The following FILIP1L variants were observed in gnomAD, a reference collection of about 807,000 sequenced individuals.
FILIP1L encodes the protein filamin A interacting protein 1 like, also known as filamin A-interacting protein 1-like.
A neutral mutation model predicts 96.6 loss-of-function variants in FILIP1L; 55 were observed. That is an observed-to-expected ratio of 0.57 (90% CI 0.46 to 0.71). FILIP1L has a LOEUF of 0.71. Among genes scored for constraint, FILIP1L ranks in the 30% least tolerant of loss-of-function variants. The pLI is 0.00. For missense variants in FILIP1L, 1,304 were observed against 1,321.2 expected (o/e 0.99, Z 0.20); for synonymous variants, 467 against 473.9 (o/e 0.99, Z 0.19).
At chr3:100,062,407 G>T (rs148431761) in intron 1 of FILIP1L, among the ~76,000 whole-genome samples, 7 of 151,860 alleles carry the variant, frequency 4.6e-5, no homozygotes, top group Admixed American at 2.0e-4. Context: ...CACCGCGCCC[G>T]GTCTATCCTG....
At chr3:100,061,020 A>G (rs745332901) in intron 1 of FILIP1L, among the ~76,000 whole-genome samples, 3 of 152,178 alleles carry the variant, frequency 2.0e-5, no homozygotes, top group Admixed American at 1.3e-4. Flanking sequence ...CACACACAAG[A>G]AACCACACCC....
intron 1 of FILIP1L, among the ~76,000 whole-genome samples, chr3:100,087,588 T>C (rs2066032605): frequency 6.6e-6 from 1 of 152,160 alleles, no homozygotes; most frequent in Admixed American, 6.5e-5. Context: ...TGTTTTCTTA[T>C]TATTGAGTTT....
intron 4 of FILIP1L, among the ~76,000 whole-genome samples, chr3:99,852,514 C>T (rs1430604679): frequency 2.0e-5 from 3 of 152,026 alleles, no homozygotes; most frequent in Non-Finnish European, 2.9e-5. Context: ...GGGGCGATCT[C>T]GACTCACTGC....
At position 100,102,306 on chromosome 3, in the gene FILIP1L, C is replaced by T. The variant is rs539394380; in HGVS notation, c.-11+11747G>A. ...TGTTGTTTCCTGACTTTTTAATGAT[C>T]GCCATTCTAACTGGTATGAGATGGT... is the stretch of plus-strand genomic sequence containing the variant. On this transcript the variant is annotated intron_variant, in intron 1 of 5. Transcript: ENST00000477258. Among the ~76,000 whole-genome samples, 224 of 152,118 alleles carry T rather than the reference C, an allele frequency of 1.5e-3. 2 individuals carry two copies. The highest frequency in any genetic ancestry group is 5.0e-3 in the African/African-American group (207 of 41,498).
At chr3:100,084,419 T>C (rs1005724254) in intron 1 of FILIP1L, among the ~76,000 whole-genome samples, 4 of 152,182 alleles carry the variant, frequency 2.6e-5, no homozygotes, top group African/African-American at 9.7e-5. Flanking sequence ...TGCTTGCAAA[T>C]TCACATTTTG....
chr3:100,109,284 T>C (rs767950722), intron 1 of FILIP1L, among the ~76,000 whole-genome samples: 17 of 152,090 alleles, frequency 1.1e-4, no homozygotes, highest in Non-Finnish European at 1.8e-4. Flanking sequence ...GATACGCTGG[T>C]TGAAGTTTGA....
chr3:99,864,243 A>G (rs1944402520), intron 4 of FILIP1L, among the ~76,000 whole-genome samples: 1 of 152,150 alleles, frequency 6.6e-6, no homozygotes, highest in African/African-American at 2.4e-5. Flanking sequence ...ACTGAGGCCC[A>G]GGCAGATTAA....
At chr3:99,958,312 C>G (rs1311451923) in intron 1 of FILIP1L, among the ~76,000 whole-genome samples, 1 of 150,906 alleles carries the variant, frequency 6.6e-6, no homozygotes, top group African/African-American at 2.4e-5. Flanking sequence ...GGGAAAATAA[C>G]CAGCCACCCA....
At chr3:99,840,221 C>CTTTTTTT (rs10935982) in intron 5 of FILIP1L, among the ~76,000 whole-genome samples, 1 of 102,142 alleles carries the variant, frequency 9.8e-6, no homozygotes, top group African/African-American at 3.8e-5. Context: ...TTCGTAGAAT[C>CTTTTTTT]TTTTTTTTTT....
intron 4 of FILIP1L, among the ~76,000 whole-genome samples, chr3:99,918,125 G>A (rs1032221783): frequency 2.6e-5 from 4 of 151,908 alleles, no homozygotes; most frequent in East Asian, 1.9e-4. Context: ...TTACAGGCGC[G>A]CGGCACCACG....
intron 1 of FILIP1L, among the ~76,000 whole-genome samples, chr3:99,995,785 C>T (rs1320227950): frequency 1.3e-5 from 2 of 152,220 alleles, no homozygotes; most frequent in East Asian, 3.9e-4. Context: ...AGCCACAGCT[C>T]AAGGTCTGCG....
chr3:99,935,859 G>C (rs1487957545), intron 1 of FILIP1L, among the ~76,000 whole-genome samples: 1 of 152,154 alleles, frequency 6.6e-6, no homozygotes, highest in Non-Finnish European at 1.5e-5. Context: ...GTAAGGATGT[G>C]TCCATGCAAG....
chr3:99,860,377 G>A (rs1418429655), intron 4 of FILIP1L, among the ~76,000 whole-genome samples: 1 of 152,134 alleles, frequency 6.6e-6, no homozygotes, highest in African/African-American at 2.4e-5. Flanking sequence ...TAAGGAGCTT[G>A]GTAGCTTTTA....
In FILIP1L at chr3:99,929,799, T is replaced by C. The variant is rs1241272957; in HGVS notation, c.426+57A>G. On this transcript the variant is annotated intron_variant, in intron 3 of 5. Transcript: ENST00000477258. Reference sequence around the variant, plus strand: ...AAAGAGGAGTTACAGATCATGCTCATCTGCAGGGCTAGTGCTTGGCTGCCT... The same window carrying C: ...AAAGAGGAGTTACAGATCATGCTCACCTGCAGGGCTAGTGCTTGGCTGCCT... 5 of 1,309,430 alleles carry C rather than the reference T, an allele frequency of 3.8e-6. No homozygotes were observed. The Admixed American group carries it at 9.2e-5, about 24-fold the overall frequency. 81.1% of individuals were successfully genotyped at this position (1,309,430 alleles called of 1,614,324 possible).
At chr3:100,066,285 C>T (rs2065661899) in intron 1 of FILIP1L, among the ~76,000 whole-genome samples, 1 of 152,186 alleles carries the variant, frequency 6.6e-6, no homozygotes, top group African/African-American at 2.4e-5. Flanking sequence ...GAGTCAATCA[C>T]TCATTTATAA....
intron 5 of FILIP1L, among the ~76,000 whole-genome samples, chr3:99,845,727 G>A (rs1169207086): frequency 2.0e-5 from 3 of 152,156 alleles, no homozygotes; most frequent in African/African-American, 7.2e-5. Flanking sequence ...AAAAAAAGAT[G>A]TTTTGCAGAA....
chr3:99,985,071 G>A (rs75556091), intron 1 of FILIP1L, among the ~76,000 whole-genome samples: 2,165 of 152,286 alleles, frequency 0.014, 30 homozygotes, highest in Non-Finnish European at 0.023. Context: ...GTTAGAAGTT[G>A]CATATTCTGC....
chr3:100,031,590 G>C (rs953331147), intron 1 of FILIP1L, among the ~76,000 whole-genome samples: 2 of 152,224 alleles, frequency 1.3e-5, no homozygotes, highest in Admixed American at 6.6e-5. Context: ...AACAAGACCT[G>C]AGACCCGCAT....
chr3:99,925,761 T>C (rs902285019), intron 3 of FILIP1L: 1 of 652,546 alleles, frequency 1.5e-6, no homozygotes, highest in African/African-American at 2.0e-5. Context: ...TTGGTGGAAG[T>C]GGAGGTGACC....
Sources: allele counts gnomAD v4.1 joint callset (sites outside exome capture counted in the v4.1 genomes callset), GRCh38; gene constraint gnomAD v4.1.1; transcripts MANE v1.5; gene names NCBI Gene and HGNC (gene_info 2026-07-23, HGNC 2026-07-21).